ASTN2: variants seen among roughly 807,000 people sequenced by gnomAD.
The protein encoded by ASTN2 is astrotactin-2.
In ASTN2, 54 loss-of-function variants were observed where a neutral mutation model predicts 139.8. The ratio of observed to expected loss-of-function variants is 0.39; its 90% CI spans 0.31 to 0.48. The LOEUF (loss-of-function observed/expected upper bound fraction) is 0.48. Among genes scored for constraint, ASTN2 ranks in the 20% least tolerant of loss-of-function variants. ASTN2 has a pLI of 0.95. For synonymous variants in ASTN2, 756 were observed against 719.5 expected (o/e 1.05, Z -0.81); for missense variants, 1,565 against 1,725.1 (o/e 0.91, Z 1.64).
chr9:116,824,338 C>T (rs1402269507), intron 11 of ASTN2, among the ~76,000 whole-genome samples: 1 of 151,890 alleles, frequency 6.6e-6, no homozygotes, highest in African/African-American at 2.4e-5. Flanking sequence ...AGGTATGTGG[C>T]TTCTAAAGGT....
intron 10 of ASTN2, among the ~76,000 whole-genome samples, chr9:116,936,236 C>CCACAACCAT (rs1835079001): frequency 7.9e-6 from 1 of 125,880 alleles, no homozygotes; most frequent in Non-Finnish European, 1.7e-5. Flanking sequence ...ACCACCATCA[C>CCACAACCAT]CACCACCACC....
chr9:116,606,879 T>G (rs1855236024), intron 19 of ASTN2, among the ~76,000 whole-genome samples: 1 of 152,144 alleles, frequency 6.6e-6, no homozygotes, highest in African/African-American at 2.4e-5. Context: ...CACTGAGAAG[T>G]GGTGAAAAAT....
At chr9:116,866,958 A>G (rs891614109) in intron 10 of ASTN2, among the ~76,000 whole-genome samples, 3 of 151,794 alleles carry the variant, frequency 2.0e-5, no homozygotes, top group Non-Finnish European at 4.4e-5. Flanking sequence ...ATAAACAGGT[A>G]GAGAAACTGC....
chr9:116,581,374 T>C (rs1853945363), intron 19 of ASTN2, among the ~76,000 whole-genome samples: 1 of 152,142 alleles, frequency 6.6e-6, no homozygotes, highest in Non-Finnish European at 1.5e-5. Context: ...CTTACTTCTT[T>C]AAGGCTTCTT....
At chr9:116,645,785 A>T (rs947351666) in intron 17 of ASTN2, among the ~76,000 whole-genome samples, 2 of 152,196 alleles carry the variant, frequency 1.3e-5, no homozygotes, top group Admixed American at 1.3e-4. Context: ...CTCCATTTGT[A>T]AAGTGCCCTT....
At chr9:116,537,866 G>A (rs916969802) in intron 19 of ASTN2, among the ~76,000 whole-genome samples, 2 of 152,194 alleles carry the variant, frequency 1.3e-5, no homozygotes, top group Non-Finnish European at 2.9e-5. Flanking sequence ...GGGATTAGGA[G>A]AGTACCATTT....
chr9:116,735,188 G>A (rs924040095), intron 13 of ASTN2, among the ~76,000 whole-genome samples: 1 of 152,150 alleles, frequency 6.6e-6, no homozygotes, highest in Non-Finnish European at 1.5e-5. Flanking sequence ...GCCCACACTT[G>A]CCATTTAAAC....
chr9:117,084,638 A>C (rs755156956), intron 5 of ASTN2, among the ~76,000 whole-genome samples: 20 of 152,232 alleles, frequency 1.3e-4, no homozygotes, highest in Non-Finnish European at 2.6e-4. Flanking sequence ...AGTGACACTT[A>C]ATACATAGTT....
intron 10 of ASTN2, among the ~76,000 whole-genome samples, chr9:116,971,802 C>A (rs1241400057): frequency 6.6e-6 from 1 of 152,192 alleles, no homozygotes; most frequent in Non-Finnish European, 1.5e-5. Context: ...CACTGCTTTA[C>A]ATGTAATATG....
chr9:117,022,007 A>G (rs1379125786), intron 6 of ASTN2, among the ~76,000 whole-genome samples: 1 of 152,130 alleles, frequency 6.6e-6, no homozygotes, highest in Admixed American at 6.6e-5. Flanking sequence ...TGCTTGAACA[A>G]CATATTAGCT....
chr9:116,822,669 C>T (rs559700957), intron 11 of ASTN2, among the ~76,000 whole-genome samples: 246 of 152,194 alleles, frequency 1.6e-3, no homozygotes, highest in African/African-American at 5.7e-3. Context: ...TTTTTTTAAA[C>T]GTGTTCACTA....
intron 10 of ASTN2, among the ~76,000 whole-genome samples, chr9:116,903,587 TTGGACATATCC>T (rs1266837186): frequency 6.6e-6 from 1 of 152,126 alleles, no homozygotes; most frequent in Non-Finnish European, 1.5e-5. Context: ...ATAGCAAAAC[TTGGACATATCC>T]TGGCCTGGGT....
Position 116,698,634 on chromosome 9 carries a change from C to T in ASTN2, c.2806+27137G>A, listed in dbSNP as rs767423594. On this transcript the variant is annotated intron_variant, in intron 16 of 22. Transcript: ENST00000313400. This position sits in a 1 kb window ranked among gnomAD's most constrained non-coding sequence, Gnocchi z 4.4. Reference sequence around the variant, plus strand: ...CCAAATTGGACAAGCTGTTAAGAAGCCCCGGACAGTTAACGTGGAAGATTC... The same window carrying T: ...CCAAATTGGACAAGCTGTTAAGAAGTCCCGGACAGTTAACGTGGAAGATTC... 6.2e-7 allele frequency: 1 copy of T among 1,613,964 alleles called. No homozygotes were observed. Among genetic ancestry groups the T allele is most frequent in the Non-Finnish European group, 8.5e-7 (1 of 1,180,040 alleles).
intron 19 of ASTN2, among the ~76,000 whole-genome samples, chr9:116,591,223 C>T (rs1179226907): frequency 1.3e-5 from 2 of 152,184 alleles, no homozygotes; most frequent in Admixed American, 1.3e-4. Flanking sequence ...CTGGTATCTC[C>T]AAGCTTCCAG....
intron 13 of ASTN2, among the ~76,000 whole-genome samples, chr9:116,805,208 T>C (rs1390060381): frequency 6.6e-6 from 1 of 151,580 alleles, no homozygotes; most frequent in East Asian, 1.9e-4. Context: ...TTCAGGAAAA[T>C]GTTAATTCTA....
chr9:116,500,257 C>T (rs1849809572), intron 19 of ASTN2, among the ~76,000 whole-genome samples: 1 of 152,186 alleles, frequency 6.6e-6, no homozygotes, highest in Non-Finnish European at 1.5e-5. Flanking sequence ...ATGCCTCCAC[C>T]ACCTCATTAA....
chr9:116,509,919 C>T (rs894953126), intron 19 of ASTN2, among the ~76,000 whole-genome samples: 1 of 152,032 alleles, frequency 6.6e-6, no homozygotes, highest in Non-Finnish European at 1.5e-5. Flanking sequence ...CTTTGTCAGA[C>T]AGGTAGATTG....
At chr9:116,803,960 C>T (rs1457398729) in intron 13 of ASTN2, among the ~76,000 whole-genome samples, 1 of 151,996 alleles carries the variant, frequency 6.6e-6, no homozygotes, top group Non-Finnish European at 1.5e-5. Context: ...AGCCACCATG[C>T]CTGGCTCGGA....
rs571158267 is a variant in ASTN2 at position 117,337,079 on chromosome 9, A to G, written c.443-45566T>C. 5.3e-5 allele frequency among the ~76,000 whole-genome samples: 8 copies of G among 152,288 alleles called. No individual in the cohort carries two copies. In the East Asian group the frequency reaches 1.5e-3, roughly 29 times the overall value. On this transcript the variant is annotated intron_variant, in intron 1 of 22. Transcript: ENST00000313400. ...TTAAGAATAAATAATGCTAACATCA[A>G]ATTAATGAAGAGGGGTTTTAAAAAT...
Sources: gnomAD v4.1 joint callset for allele counts (sites outside exome capture counted in the v4.1 genomes callset) on GRCh38, gnomAD v4.1.1 for gene constraint, Gnocchi (gnomAD v3.1) non-coding constraint, MANE v1.5 for transcripts, NCBI Gene and HGNC (gene_info 2026-07-23, HGNC 2026-07-21) for gene names.